SETD4: variants seen among roughly 807,000 people sequenced by gnomAD.
SETD4 encodes the protein SET domain containing 4.
Under a neutral mutation model 58.3 loss-of-function variants are expected in SETD4, and 46 were observed. That is an observed-to-expected ratio of 0.79 (90% CI 0.62 to 1.01). SETD4 has a LOEUF of 1.01. Ranked by LOEUF, SETD4 falls within the 50% of genes least tolerant of loss-of-function variation. The pLI, the probability that SETD4 is intolerant of heterozygous loss-of-function variation, is 0.00. For synonymous variants in SETD4, 190 were observed against 202.6 expected (o/e 0.94, Z 0.53); for missense variants, 490 against 523.3 (o/e 0.94, Z 0.62).
Position 36,040,594 on chromosome 21 carries a change from A to C in SETD4, c.1045T>G (p.Cys349Gly). 1 of 1,613,908 alleles carries C rather than the reference A, an allele frequency of 6.2e-7. No homozygotes were observed. The highest frequency in any genetic ancestry group is 2.2e-5 in the East Asian group (1 of 44,870). The part of the protein sequence containing the change: ...WRLLTALKLL[C>G]LEAEKFTCWK... ...ACTTACAATTTCTCAGCTTCCAGACATAACAACTTAAGGGCTGTGAGTAGC... is the reference window on the plus strand; with the variant it reads ...ACTTACAATTTCTCAGCTTCCAGACCTAACAACTTAAGGGCTGTGAGTAGC... The change falls in exon 9 of 12, where the codon TGT becomes GGT. Residue 349 changes from cysteine to glycine, a missense_variant. By Grantham distance (159) the Cys-to-Gly change is radical. Coordinates refer to ENST00000332131, the MANE Select transcript of SETD4 (RefSeq NM_017438.5).
At chr21:36,051,072 G>C in intron 4 of SETD4, 1 of 1,438,468 alleles carries the variant, frequency 7.0e-7, no homozygotes, top group South Asian at 1.1e-5. Context: ...AGGTTTCATC[G>C]TCTTTCATAA....
intron 3 of SETD4, among the ~76,000 whole-genome samples, chr21:36,054,065 G>A (rs1406095825): frequency 6.6e-6 from 1 of 152,056 alleles, no homozygotes; most frequent in African/African-American, 2.4e-5. Flanking sequence ...TGGCCGACTG[G>A]CCAATAAACC....
intron 5 of SETD4, among the ~76,000 whole-genome samples, chr21:36,046,424 G>A (rs1201752335): frequency 1.3e-5 from 2 of 152,182 alleles, no homozygotes; most frequent in Non-Finnish European, 2.9e-5. Flanking sequence ...TGCACCATCC[G>A]ATATAGTAAT....
chr21:36,042,180 ATGAC>A (rs1324445983), intron 7 of SETD4: 1 of 192,974 alleles, frequency 5.2e-6, no homozygotes, highest in Non-Finnish European at 1.0e-5. Context: ...GGACATCAGC[ATGAC>A]TGTTGAAAAT....
At position 36,044,009 on chromosome 21, in the gene SETD4, A is replaced by G; in HGVS notation, c.727-53T>C. On this transcript the variant is annotated intron_variant, in intron 6 of 11. Transcript: ENST00000332131. ...TTTAAAGTAAGGTGTAAAACTCCAA[A>G]GCTGATTAAGTTATTACATAATATT... 3 of 1,573,348 alleles carry G rather than the reference A, an allele frequency of 1.9e-6. No homozygotes were observed. In the African/African-American group the frequency reaches 4.1e-5, roughly 21 times the overall value.
At chr21:36,050,192 G>C in intron 4 of SETD4, 2 of 1,137,028 alleles carry the variant, frequency 1.8e-6, no homozygotes, top group South Asian at 2.5e-5. Context: ...AAACAATCCA[G>C]GCAAGGAAGC....
intron 4 of SETD4, chr21:36,051,344 G>A (rs2064674636): frequency 4.5e-6 from 7 of 1,558,378 alleles, no homozygotes; most frequent in Non-Finnish European, 8.8e-7. Context: ...TGAACCAGCT[G>A]CTAGCCAATG....
intron 5 of SETD4, among the ~76,000 whole-genome samples, chr21:36,048,061 G>C (rs1353883769): frequency 7.0e-6 from 1 of 142,462 alleles, no homozygotes; most frequent in Non-Finnish European, 1.5e-5. Flanking sequence ...GGAAGAGAGG[G>C]AGGGAGGGAG....
Position 36,040,622 on chromosome 21 carries a change from C to G in SETD4, c.1017G>C (p.Trp339Cys). The change falls in exon 9 of 12, where the codon TGG (tryptophan) becomes TGC (cysteine). Residue 339 changes from tryptophan to cysteine, a missense_variant. Physicochemically the swap from Trp to Cys is radical, Grantham distance 215. Coordinates refer to ENST00000332131, the MANE Select transcript of SETD4 (RefSeq NM_017438.5). ...ACAACTTAAGGGCTGTGAGTAGCCT[C>G]CAAGATGGTCCATCCCATCCAAATG... Reference protein sequence around the residue: ...NLTFGWDGPSWRLLTALKLLC... With the variant: ...NLTFGWDGPSCRLLTALKLLC... The G allele has an allele frequency of 1.2e-6, 2 of 1,613,908 alleles. No individual in the cohort carries two copies. Among genetic ancestry groups the G allele is most frequent in the South Asian group, 1.1e-5 (1 of 91,078 alleles).
At chr21:36,045,495 G>A (rs774820818) in intron 6 of SETD4, 87 bp downstream of exon 6, 11 of 1,512,866 alleles carry the variant, frequency 7.3e-6, no homozygotes, top group Non-Finnish European at 9.8e-6. Context: ...TCTCCCTGTG[G>A]TGCCACCCAC....
At position 36,043,790 on chromosome 21, in the gene SETD4, AC is replaced by A; in HGVS notation, c.892del (p.Val298SerfsTer24). On this transcript the variant is annotated frameshift_variant, in exon 7 of 12. Coordinates refer to ENST00000332131, the MANE Select transcript of SETD4 (RefSeq NM_017438.5). LOFTEE classifies it high-confidence loss of function. ...SVHNPHACVY[V>X]SREILVKYLP... ...ACAAAGTTGATTCCAACCTCTTGAG[AC>A]ATAAACACAAGCATGAGGATTATGG... The A allele has an allele frequency of 1.9e-6, 3 of 1,614,160 alleles. No individual in the cohort carries two copies. Among genetic ancestry groups the A allele is most frequent in the Non-Finnish European group, 2.5e-6 (3 of 1,180,006 alleles).
intron 6 of SETD4, among the ~76,000 whole-genome samples, chr21:36,044,190 G>A (rs1364845875): frequency 4.6e-5 from 7 of 152,162 alleles, no homozygotes; most frequent in East Asian, 1.9e-4. Flanking sequence ...CACGACACCC[G>A]ACACAGCACA....
chr21:36,050,672 G>A (rs1439912643), intron 4 of SETD4: 14 of 1,599,440 alleles, frequency 8.8e-6, no homozygotes, highest in Non-Finnish European at 1.2e-5. Context: ...AAGTACCGGA[G>A]TTCCCAATGG....
At chr21:36,058,667 A>C (rs972231160) in intron 2 of SETD4, 149 bp downstream of exon 2, 15 of 841,418 alleles carry the variant, frequency 1.8e-5, no homozygotes, top group Non-Finnish European at 2.5e-5. Flanking sequence ...GCAGTGAGCC[A>C]AGATGACACC....
intron 4 of SETD4, chr21:36,050,967 C>CT: frequency 6.2e-7 from 1 of 1,608,166 alleles, no homozygotes. Context: ...GCTAGCTATC[C>CT]AGGTGTCTAA....
intron 6 of SETD4, 113 bp downstream of exon 6, chr21:36,045,469 T>A (rs765102027): frequency 7.2e-5 from 99 of 1,366,088 alleles, no homozygotes; most frequent in Non-Finnish European, 9.3e-5. Flanking sequence ...CAGGGTCACC[T>A]GAAGCCGCCG....
intron 4 of SETD4, among the ~76,000 whole-genome samples, chr21:36,052,067 G>T (rs2835258): frequency 6.6e-6 from 1 of 151,614 alleles, no homozygotes; most frequent in Non-Finnish European, 1.5e-5. Flanking sequence ...TTAACACGGC[G>T]TAATAGAATT....
intron 9 of SETD4, among the ~76,000 whole-genome samples, chr21:36,038,950 C>T (rs2063912147): frequency 6.6e-6 from 1 of 151,924 alleles, no homozygotes; most frequent in African/African-American, 2.4e-5. Context: ...GGGAGAAAGA[C>T]GACGGAGGAC....
Position 36,036,106 on chromosome 21 carries a change from C to A in SETD4, c.*11G>T, listed in dbSNP as rs370579915. 42 of 1,614,046 alleles carry A rather than the reference C, an allele frequency of 2.6e-5. No homozygotes were observed. In the Middle Eastern group the frequency reaches 4.9e-4, roughly 19 times the overall value. ...CCACCAGAGGAGGTGACCAAATGCG[C>A]TTCGGTGAAATCAGGTAAAAGCTGT... On this transcript the variant is annotated 3_prime_UTR_variant, in exon 11 of 12. Transcript: ENST00000332131.
Sources: gnomAD v4.1 joint callset for allele counts (sites outside exome capture counted in the v4.1 genomes callset) on GRCh38, gnomAD v4.1.1 for gene constraint, MANE v1.5 for transcripts, NCBI Gene and HGNC (gene_info 2026-07-23, HGNC 2026-07-21) for gene names.